Variants in SPTLC2 observed in about 807,000 individuals in gnomAD.
The protein encoded by SPTLC2 is serine palmitoyltransferase long chain base subunit 2.
SPTLC2 carries 21 observed loss-of-function variants against 62.0 expected under a neutral mutation model. The ratio of observed to expected loss-of-function variants is 0.34; its 90% CI spans 0.24 to 0.49. SPTLC2 has a LOEUF of 0.49. SPTLC2 is among the 20% of genes least tolerant of loss of function. The pLI, the probability that SPTLC2 is intolerant of heterozygous loss-of-function variation, is 0.99. For missense variants in SPTLC2, 511 were observed against 713.0 expected (o/e 0.72, Z 3.23); for synonymous variants, 261 against 261.8 (o/e 1.00, Z 0.03).
At chr14:77,595,869 G>T (rs1254391109) in intron 2 of SPTLC2, among the ~76,000 whole-genome samples, 1 of 152,040 alleles carries the variant, frequency 6.6e-6, no homozygotes, top group Non-Finnish European at 1.5e-5. Context: ...CATTTGCCTG[G>T]GCTAAAAGAC....
At chr14:77,556,914 T>G in intron 7 of SPTLC2, 127 bp downstream of exon 7, 1 of 740,412 alleles carries the variant, frequency 1.4e-6, no homozygotes, top group Non-Finnish European at 2.3e-6. Flanking sequence ...TTCCAGGTAT[T>G]TTAGCGACTT....
chr14:77,529,960 C>T (rs1361653603), intron 9 of SPTLC2, among the ~76,000 whole-genome samples: 1 of 152,088 alleles, frequency 6.6e-6, no homozygotes, highest in Middle Eastern at 3.2e-3. Context: ...CAACTGCTAG[C>T]CTGCCTTATC....
chr14:77,614,809 A>G (rs1345682451), intron 1 of SPTLC2, among the ~76,000 whole-genome samples: 2 of 149,030 alleles, frequency 1.3e-5, no homozygotes, highest in African/African-American at 5.0e-5. Flanking sequence ...CATCTCTAAT[A>G]AAAATACAAA....
chr14:77,522,948 T>C (rs1182802416), intron 9 of SPTLC2, among the ~76,000 whole-genome samples: 1 of 152,224 alleles, frequency 6.6e-6, no homozygotes, highest in African/African-American at 2.4e-5. Flanking sequence ...TCTATATAAG[T>C]TGGCCACAAA....
chr14:77,509,889 T>C lies in SPTLC2; in HGVS notation c.*2395A>G, dbSNP rs2079323752. ...ATAACTTTGTACCAACAAAGTGATA[T>C]AGATATATTTTAAATGCCGGTACTG... On this transcript the variant is annotated 3_prime_UTR_variant, in exon 12 of 12. Transcript: ENST00000216484. The C allele has an allele frequency of 5.0e-6, 2 of 398,304 alleles. No individual in the cohort carries two copies. Among genetic ancestry groups the C allele is most frequent in the Admixed American group, 4.4e-5 (1 of 22,714 alleles). 24.7% of individuals were successfully genotyped at this position (398,304 alleles called of 1,614,324 possible).
At chr14:77,531,443 T>TCTTCTTCTTCTTCTCCTCCTC (rs1478198521) in intron 9 of SPTLC2, among the ~76,000 whole-genome samples, 2 of 130,276 alleles carry the variant, frequency 1.5e-5, no homozygotes, top group Admixed American at 7.6e-5. Flanking sequence ...TTCTTCTTCT[T>TCTTCTTCTTCTTCTCCTCCTC]CTCCTCCTTC....
intron 9 of SPTLC2, among the ~76,000 whole-genome samples, chr14:77,544,217 C>T (rs959660003): frequency 1.3e-5 from 2 of 152,130 alleles, no homozygotes; most frequent in Admixed American, 6.5e-5. Context: ...ACTATGTCAC[C>T]CAGACTGGTC....
intron 5 of SPTLC2, among the ~76,000 whole-genome samples, chr14:77,563,350 T>C (rs2079625256): frequency 1.3e-5 from 2 of 152,178 alleles, no homozygotes; most frequent in African/African-American, 2.4e-5. Flanking sequence ...AATCCATCCA[T>C]GCTCATGTCC....
intron 9 of SPTLC2, among the ~76,000 whole-genome samples, chr14:77,524,517 C>A (rs111549210): frequency 2.0e-5 from 3 of 151,868 alleles, no homozygotes; most frequent in African/African-American, 7.3e-5. Flanking sequence ...TGCTGTTTAT[C>A]CAAATAAAAG....
At chr14:77,582,046 T>G (rs928708035) in intron 2 of SPTLC2, among the ~76,000 whole-genome samples, 3 of 140,146 alleles carry the variant, frequency 2.1e-5, no homozygotes, top group African/African-American at 7.5e-5. Context: ...TTCTTTTTTT[T>G]AATTAAAAAA....
chr14:77,599,333 T>A (rs1288057414), intron 1 of SPTLC2, among the ~76,000 whole-genome samples: 1 of 152,252 alleles, frequency 6.6e-6, no homozygotes, highest in Non-Finnish European at 1.5e-5. Context: ...AAAGATCCTT[T>A]CTTGCCCTCT....
Position 77,597,464 on chromosome 14 carries a change from G to A in SPTLC2, c.133-84C>T. On this transcript the variant is annotated intron_variant, in intron 1 of 11. Coordinates refer to ENST00000216484, the MANE Select transcript of SPTLC2 (RefSeq NM_004863.4). ...AAATCTAGGTCCTTAGAGATTTGCT[G>A]AATTATACCTTAAGAATTTTCTAAG... The A allele has an allele frequency of 1.5e-6, 2 of 1,309,830 alleles. 1 individual carries two copies. Among genetic ancestry groups the A allele is most frequent in the Non-Finnish European group, 2.2e-6 (2 of 926,570 alleles). The allele number at this position is 1,309,830 out of a possible 1,614,324, so 81.1% of individuals were successfully genotyped here. A position where few individuals can be genotyped will look rare whatever the true frequency, so the allele number is the denominator to read the frequency against.
At position 77,507,695 on chromosome 14, in the gene SPTLC2, G is replaced by C. The variant is rs968845877; in HGVS notation, c.*4589C>G. On this transcript the variant is annotated 3_prime_UTR_variant, in exon 12 of 12. Coordinates refer to ENST00000216484, the MANE Select transcript of SPTLC2 (RefSeq NM_004863.4). The stretch of plus-strand genomic sequence containing the variant: ...AAGACATGTTTTTCTCCACATGGAA[G>C]GTATTTTTTAAACTGGTTTAATGTA... 6.6e-6 allele frequency: 1 copy of C among 152,106 alleles called. No individual in the cohort carries two copies. Among genetic ancestry groups the C allele is most frequent in the African/African-American group, 2.4e-5 (1 of 41,398 alleles). The allele number at this position is 152,106 out of a possible 1,614,324, so 9.4% of individuals were successfully genotyped here.
chr14:77,539,497 T>A (rs910821158), intron 9 of SPTLC2, among the ~76,000 whole-genome samples: 3 of 125,566 alleles, frequency 2.4e-5, no homozygotes, highest in African/African-American at 8.3e-5. Flanking sequence ...TTTTTTTTTT[T>A]TTTTTTTTTG....
intron 1 of SPTLC2, among the ~76,000 whole-genome samples, chr14:77,610,243 C>T (rs552001594): frequency 2.6e-5 from 4 of 152,214 alleles, no homozygotes; most frequent in South Asian, 4.1e-4. Context: ...TGGGTTCAAG[C>T]GATTCTACTA....
chr14:77,610,863 T>C (rs537809279), intron 1 of SPTLC2, among the ~76,000 whole-genome samples: 5 of 151,798 alleles, frequency 3.3e-5, no homozygotes, highest in African/African-American at 9.7e-5. Flanking sequence ...CTGGGCAACA[T>C]AGTGAGACTC....
At chr14:77,599,794 TAAC>T (rs2079867507) in intron 1 of SPTLC2, among the ~76,000 whole-genome samples, 1 of 152,096 alleles carries the variant, frequency 6.6e-6, no homozygotes, top group Admixed American at 6.6e-5. Context: ...GTTTAAAAAT[TAAC>T]AACATAACAA....
At chr14:77,541,231 G>A (rs2079499262) in intron 9 of SPTLC2, among the ~76,000 whole-genome samples, 1 of 151,886 alleles carries the variant, frequency 6.6e-6, no homozygotes, top group Admixed American at 6.6e-5. Context: ...GTAGAGACAG[G>A]GTTTCACCAT....
chr14:77,537,877 C>T (rs1389214351), intron 9 of SPTLC2, among the ~76,000 whole-genome samples: 1 of 151,964 alleles, frequency 6.6e-6, no homozygotes, highest in Non-Finnish European at 1.5e-5. Flanking sequence ...TGTTATTTCA[C>T]TTGTTCATGT....
Sources: allele counts gnomAD v4.1 joint callset (sites outside exome capture counted in the v4.1 genomes callset), GRCh38; gene constraint gnomAD v4.1.1; transcripts MANE v1.5; gene names NCBI Gene and HGNC (gene_info 2026-07-23, HGNC 2026-07-21).